MOG: variants seen among roughly 807,000 people sequenced by gnomAD.
MOG encodes the protein myelin-oligodendrocyte glycoprotein.
MOG carries 20 observed loss-of-function variants against 35.9 expected under a neutral mutation model. The observed-to-expected ratio is 0.56, with a 90% CI of 0.39 to 0.81. The LOEUF is 0.81. Ranked by LOEUF, MOG falls within the 30% of genes least tolerant of loss-of-function variation. The pLI, the probability that MOG is intolerant of heterozygous loss-of-function variation, is 0.00. For synonymous variants in MOG, 92 were observed against 114.3 expected, an observed-to-expected ratio of 0.80 and a Z score of 1.25; for missense variants, 251 against 301.0, an observed-to-expected ratio of 0.83 and a Z score of 1.23.
intron 2 of MOG, chr6:29,661,410 C>T (rs941845813): frequency 1.6e-5 from 16 of 985,208 alleles, no homozygotes; most frequent in South Asian, 4.7e-5. Flanking sequence ...TTCTACTTGC[C>T]GAAAAGTTTG....
chr6:29,670,230 G>A lies in MOG; in HGVS notation c.593-51G>A, dbSNP rs554184838. 1.2e-6 allele frequency: 2 copies of A among 1,614,140 alleles called. No individual in the cohort carries two copies. Among genetic ancestry groups the A allele is most frequent in the Non-Finnish European group, 1.7e-6 (2 of 1,180,024 alleles). On this transcript the variant is annotated intron_variant, in intron 5 of 7. Transcript: ENST00000376917. The surrounding 1 kb of genome is among the most constrained non-coding windows in gnomAD (Gnocchi z 4.2). Reference sequence around the variant, plus strand: ...GGAACCAAAAAAGACAGGTGGGTGGGGCATGAGGGGGAACACATGTTAACC... The same window carrying A: ...GGAACCAAAAAAGACAGGTGGGTGGAGCATGAGGGGGAACACATGTTAACC...
rs978566037 is a variant in MOG, at chr6:29,662,733, C to T, written c.436+3067C>T. 6.6e-6 allele frequency among the ~76,000 whole-genome samples: 1 copy of T among 152,134 alleles called. No homozygotes were observed. Among genetic ancestry groups the T allele is most frequent in the African/African-American group, 2.4e-5 (1 of 41,432 alleles). On this transcript the variant is annotated intron_variant, in intron 2 of 7. Transcript: ENST00000376917. The surrounding 1 kb of genome is among the most constrained non-coding windows in gnomAD (Gnocchi z 4.2). ...GCTGGAGTGTAGTGGCATATCTCTG[C>T]TCACTGCAGCCTCTGCCTCCCGGGC...
Position 29,671,342 on chromosome 6 carries a change from T to C in MOG, c.*157T>C, listed in dbSNP as rs1771417174. On this transcript the variant is annotated 3_prime_UTR_variant, in exon 8 of 8. Coordinates refer to ENST00000376917, the MANE Select transcript of MOG (RefSeq NM_206809.4). ...GGAACACTCTGAATTCCAAGTAGAA[T>C]TGATTTCCCTTCTTCTGTCATCTAC... 6.8e-6 allele frequency: 11 copies of C among 1,611,918 alleles called. No individual in the cohort carries two copies. Among genetic ancestry groups the C allele is most frequent in the Non-Finnish European group, 8.5e-6 (10 of 1,179,708 alleles).
At chr6:29,669,404 C>T (rs1244394780) in intron 5 of MOG, among the ~76,000 whole-genome samples, 1 of 151,866 alleles carries the variant, frequency 6.6e-6, no homozygotes, top group East Asian at 1.9e-4. Context: ...GATTCTCCTG[C>T]CTCAGCCTCC....
intron 2 of MOG, among the ~76,000 whole-genome samples, chr6:29,663,275 A>G (rs1229039680): frequency 6.6e-6 from 1 of 150,720 alleles, no homozygotes; most frequent in African/African-American, 2.4e-5. Context: ...TCAAAAAAAA[A>G]AAAAAAAAAG....
At chr6:29,667,616 C>T in intron 3 of MOG, 27 bp from the exon 4 acceptor site, 2 of 1,614,062 alleles carry the variant, frequency 1.2e-6, no homozygotes, top group South Asian at 1.1e-5. Flanking sequence ...CATGCAGGAA[C>T]TAAAATGTTG....
At chr6:29,666,074 T>A in intron 2 of MOG, 78 bp from the exon 3 acceptor site, 1 of 900,358 alleles carries the variant, frequency 1.1e-6, no homozygotes, top group Non-Finnish European at 1.9e-6. Context: ...TTTGACCTGA[T>A]TTATTGGGCC....
At chr6:29,659,023 A>C (rs1767854698) in intron 1 of MOG, among the ~76,000 whole-genome samples, 1 of 152,056 alleles carries the variant, frequency 6.6e-6, no homozygotes, top group East Asian at 1.9e-4. Flanking sequence ...GAGGCAGGAG[A>C]ATCACTTGAA....
At chr6:29,657,887 T>C (rs972404074) in intron 1 of MOG, among the ~76,000 whole-genome samples, 1 of 152,062 alleles carries the variant, frequency 6.6e-6, no homozygotes, top group African/African-American at 2.4e-5. Context: ...TCAAGTGGTC[T>C]GCCCTCCTCA....
chr6:29,658,302 C>G (rs918252916), intron 1 of MOG, among the ~76,000 whole-genome samples: 1 of 152,164 alleles, frequency 6.6e-6, no homozygotes, highest in African/African-American at 2.4e-5. Context: ...CATCCACTCT[C>G]CAGGTCTAGG....
At chr6:29,663,686 C>T (rs549369532) in intron 2 of MOG, among the ~76,000 whole-genome samples, 18 of 152,306 alleles carry the variant, frequency 1.2e-4, no homozygotes, top group African/African-American at 4.3e-4. Context: ...CTGATAATGT[C>T]TGCTTTTCTC....
rs1218820830 is a variant in MOG, at chr6:29,670,558, CT to C, written c.710-142del. 54 of 1,554,142 alleles carry C rather than the reference CT, an allele frequency of 3.5e-5. No individual in the cohort carries two copies. The highest frequency in any genetic ancestry group is 1.5e-4 in the African/African-American group (11 of 73,682). ...CCCAACCCCAGGCTCTTCTGAGAAA[CT>C]GTGAAGAGAACCACTTACTGGATCT... On this transcript the variant is annotated intron_variant, in intron 6 of 7. Transcript: ENST00000376917. The surrounding 1 kb of genome is among the most constrained non-coding windows in gnomAD (Gnocchi z 4.2).
intron 5 of MOG, among the ~76,000 whole-genome samples, chr6:29,669,520 A>G (rs1004787357): frequency 4.6e-5 from 7 of 150,956 alleles, no homozygotes; most frequent in African/African-American, 1.7e-4. Flanking sequence ...TGAACCCCTG[A>G]CCTCAGGTGA....
At position 29,667,676 on chromosome 6, in the gene MOG, C is replaced by T. The variant is rs775566925; in HGVS notation, c.571+13C>T. On this transcript the variant is annotated intron_variant, in intron 4 of 7. Coordinates refer to ENST00000376917, the MANE Select transcript of MOG (RefSeq NM_206809.4). ...CGAGCAGAGATAGGTGAGTTCCAGT[C>T]ATCGTTTCTCCCAATTCTTGCCTTT... 1.9e-6 allele frequency: 3 copies of T among 1,614,050 alleles called. No individual in the cohort carries two copies. The highest frequency in any genetic ancestry group is 1.7e-5 in the Admixed American group (1 of 60,012).
chr6:29,659,639 G>A lies in MOG; in HGVS notation c.409G>A (p.Glu137Lys), dbSNP rs754075838. The A allele has an allele frequency of 3.1e-6, 5 of 1,613,096 alleles. No homozygotes were observed. The highest frequency in any genetic ancestry group is 1.7e-5 in the Admixed American group (1 of 60,026). Reference protein sequence around the residue: ...CFFRDHSYQEEAAMELKVEDP... With the variant: ...CFFRDHSYQEKAAMELKVEDP... ...CTTCCGAGATCATTCTTACCAAGAG[G>A]AGGCAGCAATGGAATTGAAAGTAGA... Residue 137 changes from glutamate (E) to lysine (K), a missense_variant, in exon 2 of 8, where the codon GAG becomes AAG. Transcript: ENST00000376917.
rs2127505031 is a variant in MOG, at chr6:29,662,169, T to C, written c.436+2503T>C. On this transcript the variant is annotated intron_variant, in intron 2 of 7. Coordinates refer to ENST00000376917, the MANE Select transcript of MOG (RefSeq NM_206809.4). The surrounding 1 kb of genome is among the most constrained non-coding windows in gnomAD (Gnocchi z 4.2). ...ATTACTAGTTGTCTCTAATCCTTTC[T>C]TTAAATTCTTCATTATGAAACATAA... The C allele has an allele frequency of 1.0e-6, 1 of 985,130 alleles. No individual in the cohort carries two copies. The highest frequency in any genetic ancestry group is 4.7e-5 in the South Asian group (1 of 21,284). 61.0% of individuals were successfully genotyped at this position (985,130 alleles called of 1,614,324 possible).
rs1023633967 is a variant in MOG, at chr6:29,670,977, C to T, written c.731-195C>T. The stretch of plus-strand genomic sequence containing the variant: ...CTGATCCATTCCTCCTTCACTGCCC[C>T]TAAGCAGGAATCCAACCCTAGCTGG... On this transcript the variant is annotated intron_variant, in intron 7 of 7. Transcript: ENST00000376917. This position sits in a 1 kb window ranked among gnomAD's most constrained non-coding sequence, Gnocchi z 4.2. 2 of 1,612,192 alleles carry T rather than the reference C, an allele frequency of 1.2e-6. No homozygotes were observed. The highest frequency in any genetic ancestry group is 2.7e-5 in the African/African-American group (2 of 74,930).
chr6:29,666,760 G>T lies in MOG; in HGVS notation c.550+495G>T, dbSNP rs115584934. ...TTCTCCATTCAACACTGAGGACTCAGGTTCAGCTGCTGATGAAGCTCCTCT... is the reference window on the plus strand; with the variant it reads ...TTCTCCATTCAACACTGAGGACTCATGTTCAGCTGCTGATGAAGCTCCTCT... On this transcript the variant is annotated intron_variant, in intron 3 of 7. Transcript: ENST00000376917. Among the ~76,000 whole-genome samples the T allele has an allele frequency of 4.8e-3, 725 of 152,312 alleles. 4 individuals carry two copies. The highest frequency in any genetic ancestry group is 0.015 in the African/African-American group (613 of 41,564).
In MOG at chr6:29,671,629, CAT is replaced by C. The variant is rs898079036; in HGVS notation, c.*445_*446del. On this transcript the variant is annotated 3_prime_UTR_variant, in exon 8 of 8. Transcript: ENST00000376917. Reference sequence around the variant, plus strand: ...GCCCTGATTGCGCAAAACTGAAAGGCATGTGAAGGGAAGGAAGAGGAAGAGTG... The same window carrying C: ...GCCCTGATTGCGCAAAACTGAAAGGCGTGAAGGGAAGGAAGAGGAAGAGTG... 4.2e-5 allele frequency: 27 copies of C among 645,748 alleles called. No individual in the cohort carries two copies. Among genetic ancestry groups the C allele is most frequent in the African/African-American group, 3.1e-4 (17 of 55,276 alleles). 40.0% of individuals were successfully genotyped at this position (645,748 alleles called of 1,614,324 possible).
Sources: allele counts gnomAD v4.1 joint callset (sites outside exome capture counted in the v4.1 genomes callset), GRCh38; gene constraint gnomAD v4.1.1; non-coding constraint Gnocchi (gnomAD v3.1); transcripts MANE v1.5; gene names NCBI Gene and HGNC (gene_info 2026-07-23, HGNC 2026-07-21).